Variants in PYM1 observed in about 807,000 individuals in gnomAD.
PYM1 encodes the protein partner of Y14 and mago.
A neutral mutation model predicts 20.7 loss-of-function variants in PYM1; 7 were observed. That is an observed-to-expected ratio of 0.34 (90% confidence interval 0.19 to 0.64). PYM1 has a LOEUF of 0.64. Among genes scored for constraint, PYM1 ranks in the 30% least tolerant of loss-of-function variants. The pLI is 0.74. For missense variants in PYM1, 194 were observed against 250.0 expected (o/e 0.78, Z 1.51); for synonymous variants, 100 against 99.2 (o/e 1.01, Z -0.05).
At chr12:55,918,924 T>C (rs959794130) in intron 1 of PYM1, among the ~76,000 whole-genome samples, 4 of 152,200 alleles carry the variant, frequency 2.6e-5, no homozygotes, top group African/African-American at 7.2e-5. Context: ...CCCAAAGCTT[T>C]TGTTATGTAA....
intron 1 of PYM1, among the ~76,000 whole-genome samples, chr12:55,912,105 T>C (rs1882933845): frequency 6.6e-6 from 1 of 151,750 alleles, no homozygotes; most frequent in Admixed American, 6.6e-5. Flanking sequence ...TGCCAACACT[T>C]TGGGAAGCCG....
chr12:55,924,092 A>G (rs1201369362), intron 1 of PYM1, among the ~76,000 whole-genome samples: 1 of 151,672 alleles, frequency 6.6e-6, no homozygotes, highest in Non-Finnish European at 1.5e-5. Flanking sequence ...AAAAAAAAAA[A>G]GAAACGATAC....
chr12:55,927,140 C>A, intron 1 of PYM1: 1 of 1,551,338 alleles, frequency 6.4e-7, no homozygotes, highest in South Asian at 1.2e-5. Flanking sequence ...CCGGCGTGAG[C>A]GGGCTGGGGT....
chr12:55,918,570 TA>T (rs963669612), intron 1 of PYM1, among the ~76,000 whole-genome samples: 34 of 152,072 alleles, frequency 2.2e-4, no homozygotes, highest in Non-Finnish European at 4.7e-4. Context: ...TCCATCTCTA[TA>T]AAAAATTTAA....
intron 1 of PYM1, chr12:55,927,422 T>C (rs1299440869): frequency 1.4e-6 from 1 of 708,612 alleles, no homozygotes; most frequent in South Asian, 1.5e-5. Context: ...GTCCAGGACC[T>C]GCGAGGGAAA....
In PYM1 at chr12:55,902,276, C is replaced by A; in HGVS notation, c.211G>T (p.Val71Phe). 6.2e-7 allele frequency: 1 copy of A among 1,614,176 alleles called. No homozygotes were observed. The highest frequency in any genetic ancestry group is 1.3e-5 in the African/African-American group (1 of 75,042). The change falls in exon 3 of 3, where the codon GTC becomes TTC. Residue 71 changes from valine (V) to phenylalanine (F), a missense_variant. Around this residue, in one of 3 missense-constraint regions of PYM1, gnomAD observed 158 missense variants for 179.0 expected, o/e 0.88. Transcript: ENST00000408946. ...PGLSPEATAP[V>F]TPSRPEGGEP... ...CCACCTTCAGGCCTGGATGGGGTGA[C>A]AGGAGCAGTGGCCTCAGGGCTTAGC... is the stretch of plus-strand genomic sequence containing the variant.
At chr12:55,918,167 G>A (rs796156763) in intron 1 of PYM1, among the ~76,000 whole-genome samples, 2 of 149,724 alleles carry the variant, frequency 1.3e-5, no homozygotes, top group Non-Finnish European at 3.0e-5. Context: ...GCGTGATCTC[G>A]GCTCACTGCA....
intron 1 of PYM1, among the ~76,000 whole-genome samples, chr12:55,905,706 T>TAA (rs1245510282): frequency 6.4e-5 from 3 of 47,150 alleles, no homozygotes; most frequent in Non-Finnish European, 4.3e-5. Flanking sequence ...CCAACCCAAT[T>TAA]AAAAAATATA....
chr12:55,917,357 T>C (rs1316853945), intron 1 of PYM1, among the ~76,000 whole-genome samples: 1 of 149,082 alleles, frequency 6.7e-6, no homozygotes, highest in Non-Finnish European at 1.5e-5. Flanking sequence ...GAGGCAGAGG[T>C]TGCAGGGAGC....
At chr12:55,923,884 T>C (rs1456714226) in intron 1 of PYM1, among the ~76,000 whole-genome samples, 1 of 152,046 alleles carries the variant, frequency 6.6e-6, no homozygotes, top group African/African-American at 2.4e-5. Context: ...GAGGCCAACC[T>C]GACCAATATG....
At chr12:55,916,452 C>T (rs1443578299) in intron 1 of PYM1, among the ~76,000 whole-genome samples, 4 of 152,116 alleles carry the variant, frequency 2.6e-5, no homozygotes, top group African/African-American at 9.7e-5. Context: ...GCCATACAGC[C>T]CAGTTTCACT....
Position 55,927,782 on chromosome 12 carries a change from A to G in PYM1, c.-21T>C, listed in dbSNP as rs1161043729. On this transcript the variant is annotated 5_prime_UTR_variant, in exon 1 of 3. Coordinates refer to ENST00000408946, the MANE Select transcript of PYM1 (RefSeq NM_032345.3). Reference sequence around the variant, plus strand: ...TCCATGGCCGAAGAGGCAGCGGACCAGGTTGGGCGGGCGGCCCTGGCCTGG... The same window carrying G: ...TCCATGGCCGAAGAGGCAGCGGACCGGGTTGGGCGGGCGGCCCTGGCCTGG... 1.3e-6 allele frequency: 2 copies of G among 1,537,576 alleles called. No individual in the cohort carries two copies. Among genetic ancestry groups the G allele is most frequent in the South Asian group, 2.4e-5 (2 of 83,902 alleles).
Position 55,905,922 on chromosome 12 carries a change from T to TATTAG in PYM1, c.38-2443_38-2442insCTAAT, listed in dbSNP as rs1491463137. Among the ~76,000 whole-genome samples, 3 of 102,678 alleles carry TATTAG rather than the reference T, an allele frequency of 2.9e-5. 1 individual carries two copies. The highest frequency in any genetic ancestry group is 8.5e-5 in the African/African-American group (2 of 23,522). The allele number at this position is 102,678 out of a possible 152,430, so 67.4% of individuals were successfully genotyped here. ...TATATCTAATAGATATATATATTATTATATATATCTAATAGATATATATAT... is the reference window on the plus strand; with the variant it reads ...TATATCTAATAGATATATATATTATTATTAGATATATATCTAATAGATATATATAT... On this transcript the variant is annotated intron_variant, in intron 1 of 2. Coordinates refer to ENST00000408946, the MANE Select transcript of PYM1 (RefSeq NM_032345.3).
chr12:55,922,281 C>T (rs546792111), intron 1 of PYM1, among the ~76,000 whole-genome samples: 8 of 151,748 alleles, frequency 5.3e-5, no homozygotes, highest in Non-Finnish European at 8.8e-5. Context: ...TACAGTGAAG[C>T]CTTACAAACA....
chr12:55,904,620 GA>G (rs1268679595), intron 1 of PYM1, among the ~76,000 whole-genome samples: 12 of 113,428 alleles, frequency 1.1e-4, no homozygotes, highest in South Asian at 5.8e-4. Flanking sequence ...AAAAAAAAAA[GA>G]AAAAAAATTA....
intron 1 of PYM1, chr12:55,914,406 G>A (rs190775165): frequency 2.8e-6 from 2 of 701,966 alleles, no homozygotes; most frequent in African/African-American, 3.5e-5. Flanking sequence ...AGGACTTTCA[G>A]ATAATATCTT....
chr12:55,925,394 G>A (rs1320814330), intron 1 of PYM1, among the ~76,000 whole-genome samples: 3 of 152,170 alleles, frequency 2.0e-5, no homozygotes, highest in African/African-American at 4.8e-5. Context: ...AAGAAAAAGC[G>A]GTGTCCTAGA....
chr12:55,904,317 G>A (rs541349760), intron 1 of PYM1, among the ~76,000 whole-genome samples: 5 of 151,500 alleles, frequency 3.3e-5, no homozygotes, highest in Non-Finnish European at 7.4e-5. Context: ...AAGCTGGCCA[G>A]GCACGGTGGC....
At chr12:55,921,874 C>A (rs1472149294) in intron 1 of PYM1, among the ~76,000 whole-genome samples, 1 of 151,850 alleles carries the variant, frequency 6.6e-6, no homozygotes. Flanking sequence ...AGAAAAATGC[C>A]AAATAGTGTG....
Sources: gnomAD v4.1 joint callset for allele counts (sites outside exome capture counted in the v4.1 genomes callset) on GRCh38, gnomAD v4.1.1 for gene constraint, gnomAD v4.1.1 regional missense constraint, MANE v1.5 for transcripts, NCBI Gene and HGNC (gene_info 2026-07-23, HGNC 2026-07-21) for gene names.